Variants in TDRP observed in about 807,000 individuals in gnomAD.
TDRP encodes testis development related protein.
In TDRP, 12 loss-of-function variants were observed where a neutral mutation model predicts 10.5. That is an observed-to-expected ratio of 1.15 (90% CI 0.73 to 1.86). The LOEUF (loss-of-function observed/expected upper bound fraction) is 1.86. TDRP is among the 40% of genes most tolerant of loss of function. The pLI, the probability that TDRP is intolerant of heterozygous loss-of-function variation, is 0.00. For synonymous variants in TDRP, 139 were observed against 95.4 expected, an observed-to-expected ratio of 1.46 and a Z score of -2.67; for missense variants, 353 against 229.2, an observed-to-expected ratio of 1.54 and a Z score of -3.49.
At chr8:524,920 C>T (rs1172522748) in intron 1 of TDRP, among the ~76,000 whole-genome samples, 2 of 152,140 alleles carry the variant, frequency 1.3e-5, no homozygotes, top group Admixed American at 6.5e-5. Context: ...TAACAGAGAA[C>T]TTCTCAATCC....
rs1309829888 is a variant in TDRP, at chr8:489,973, A to T, written c.*2426T>A. ...GCTTAAAAACAGTATTTTTATTTTTAAAAAACCTCAACATTAAGGAGGAAC... is the reference window on the plus strand; with the variant it reads ...GCTTAAAAACAGTATTTTTATTTTTTAAAAACCTCAACATTAAGGAGGAAC... On this transcript the variant is annotated 3_prime_UTR_variant, in exon 3 of 3. Coordinates refer to ENST00000324079, the MANE Select transcript of TDRP (RefSeq NM_001384899.1). The T allele has an allele frequency of 6.6e-6, 1 of 150,772 alleles. No homozygotes were observed. The highest frequency in any genetic ancestry group is 1.9e-4 in the East Asian group (1 of 5,194). The allele number at this position is 150,772 out of a possible 1,614,324, so 9.3% of individuals were successfully genotyped here.
At chr8:544,957 G>A, upstream of TDRP, 2 of 259,774 alleles carry the variant, frequency 7.7e-6, no homozygotes, top group Non-Finnish European at 1.2e-5. Context: ...CCCAGGACCC[G>A]GCCCGCCCCC....
Position 492,429 on chromosome 8 carries a change from G to T in TDRP, c.528C>A (p.His176Gln). The T allele has an allele frequency of 6.4e-7, 1 of 1,574,172 alleles. No homozygotes were observed. ...CCGCCTCCTCCGGGCTATCTGTCAG[G>T]TGGCCTTTACTCTGCCGTCGGATGC... ...LVSIRRQSKG[H>Q]LTDSPEEAE is the part of the protein sequence containing the mutation. The change falls in exon 3 of 3, where the codon CAC becomes CAA. Residue 176 changes from histidine (H) to glutamine (Q), a missense_variant. Physicochemically the swap from His to Gln is conservative, Grantham distance 24 (BLOSUM62 0). Transcript: ENST00000324079.
intron 1 of TDRP, among the ~76,000 whole-genome samples, chr8:501,916 C>T (rs974598066): frequency 6.6e-6 from 1 of 152,210 alleles, no homozygotes. Flanking sequence ...GACCCACCCT[C>T]TCCAAAGCCC....
chr8:522,906 G>A (rs536568922), intron 1 of TDRP, among the ~76,000 whole-genome samples: 1 of 152,144 alleles, frequency 6.6e-6, no homozygotes, highest in Non-Finnish European at 1.5e-5. Context: ...CAGCTTACGT[G>A]TATCCTTATA....
chr8:498,099 T>A (rs1801183670), intron 1 of TDRP, among the ~76,000 whole-genome samples: 1 of 152,060 alleles, frequency 6.6e-6, no homozygotes, highest in African/African-American at 2.4e-5. Context: ...AAATGTGGGG[T>A]TGCAACCCCC....
At chr8:506,298 A>G (rs144216035) in intron 1 of TDRP, among the ~76,000 whole-genome samples, 2 of 152,224 alleles carry the variant, frequency 1.3e-5, no homozygotes, top group East Asian at 3.9e-4. Flanking sequence ...AAGACCATTT[A>G]CCCTCCCAGC....
chr8:542,961 C>T (rs1409680299), intron 1 of TDRP, among the ~76,000 whole-genome samples: 1 of 151,080 alleles, frequency 6.6e-6, no homozygotes, highest in African/African-American at 2.4e-5. Context: ...CTGGAGGATA[C>T]GAGGAAGAAT....
At chr8:544,582 C>T in intron 1 of TDRP, 68 bp downstream of exon 1, 2 of 1,086,828 alleles carry the variant, frequency 1.8e-6, no homozygotes, top group Non-Finnish European at 2.3e-6. Flanking sequence ...ACCTGCGCGC[C>T]GCCCACCCTC....
At chr8:501,153 C>G (rs560913953) in intron 1 of TDRP, among the ~76,000 whole-genome samples, 3 of 151,634 alleles carry the variant, frequency 2.0e-5, no homozygotes, top group African/African-American at 7.3e-5. Flanking sequence ...TTGCAGTGAG[C>G]TGAGATCGCG....
At chr8:500,791 G>T (rs1563117765) in intron 1 of TDRP, among the ~76,000 whole-genome samples, 2 of 152,192 alleles carry the variant, frequency 1.3e-5, no homozygotes, top group African/African-American at 4.8e-5. Context: ...GACAACCAGG[G>T]CAGGAAATAG....
chr8:536,860 TATA>T (rs1802360646), intron 1 of TDRP, among the ~76,000 whole-genome samples: 1 of 152,166 alleles, frequency 6.6e-6, no homozygotes, highest in African/African-American at 2.4e-5. Flanking sequence ...CCTTCCCTTC[TATA>T]ATATCGTAAC....
chr8:533,174 C>T (rs965581481), intron 1 of TDRP, among the ~76,000 whole-genome samples: 3 of 152,190 alleles, frequency 2.0e-5, no homozygotes, highest in African/African-American at 7.2e-5. Flanking sequence ...AAGTGGAGAA[C>T]CAGGTTCTTG....
At chr8:506,023 G>A (rs916847902) in intron 1 of TDRP, among the ~76,000 whole-genome samples, 7 of 152,132 alleles carry the variant, frequency 4.6e-5, no homozygotes, top group African/African-American at 1.7e-4. Flanking sequence ...ATGGCTGGGG[G>A]TCTGGGTGTC....
At chr8:500,991 G>T (rs1394377124) in intron 1 of TDRP, among the ~76,000 whole-genome samples, 5 of 152,234 alleles carry the variant, frequency 3.3e-5, no homozygotes, top group African/African-American at 9.6e-5. Context: ...TGGATCACAA[G>T]GTCAGGAGAT....
intron 1 of TDRP, among the ~76,000 whole-genome samples, chr8:526,943 C>T (rs1802050125): frequency 6.6e-6 from 1 of 152,092 alleles, no homozygotes. Flanking sequence ...TGATCTTATA[C>T]TTGGAAAAAC....
chr8:516,154 C>T (rs913906628), intron 1 of TDRP, among the ~76,000 whole-genome samples: 7 of 152,108 alleles, frequency 4.6e-5, no homozygotes, highest in African/African-American at 1.4e-4. Context: ...TAGAGCGGTT[C>T]CTAAATGTGG....
rs139870652 is a variant in TDRP, at chr8:510,005, G to C, written c.109-15408C>G. On this transcript the variant is annotated intron_variant, in intron 1 of 2. Coordinates refer to ENST00000324079, the MANE Select transcript of TDRP (RefSeq NM_001384899.1). The stretch of plus-strand genomic sequence containing the variant: ...ACTGCACTCCAGCCTGGGTGACAGA[G>C]CAACCGAATTTAGACACATGCGATG... 3.2e-3 allele frequency among the ~76,000 whole-genome samples: 485 copies of C among 152,270 alleles called. 3 individuals carry two copies. The highest frequency in any genetic ancestry group is 0.011 in the African/African-American group (458 of 41,548).
At chr8:516,982 C>T (rs1374486664) in intron 1 of TDRP, among the ~76,000 whole-genome samples, 2 of 152,086 alleles carry the variant, frequency 1.3e-5, no homozygotes, top group African/African-American at 4.8e-5. Flanking sequence ...AATGTATAAA[C>T]CAACTAAAAT....
Sources: gnomAD v4.1 joint callset for allele counts (sites outside exome capture counted in the v4.1 genomes callset) on GRCh38, gnomAD v4.1.1 for gene constraint, MANE v1.5 for transcripts, NCBI Gene and HGNC (gene_info 2026-07-23, HGNC 2026-07-21) for gene names.